The following TIAM2 variants were observed in gnomAD, a reference collection of about 807,000 sequenced individuals.
TIAM2 encodes TIAM Rac1 associated GEF 2, also known as rho guanine nucleotide exchange factor TIAM2.
A neutral mutation model predicts 152.9 loss-of-function variants in TIAM2; 80 were observed. That is an observed-to-expected ratio of 0.52 (90% CI 0.44 to 0.63). The LOEUF (loss-of-function observed/expected upper bound fraction) is 0.63, where lower values mean the gene tolerates loss of function less well. Among genes scored for constraint, TIAM2 ranks in the 30% least tolerant of loss-of-function variants. The pLI is 0.00. For missense variants in TIAM2, 1,965 were observed against 2,120.1 expected, an observed-to-expected ratio of 0.93 and a Z score of 1.44; for synonymous variants, 804 against 838.0, an observed-to-expected ratio of 0.96 and a Z score of 0.70.
intron 15 of TIAM2, among the ~76,000 whole-genome samples, chr6:155,223,123 A>G (rs6557410): frequency 0.66 from 99,858 of 152,054 alleles, 33,382 homozygotes; most frequent in African/African-American, 0.74. Flanking sequence ...CATACGTTAG[A>G]AATTGCAGAC....
chr6:155,212,988 T>C (rs1240355556), intron 15 of TIAM2, among the ~76,000 whole-genome samples: 4 of 152,160 alleles, frequency 2.6e-5, no homozygotes, highest in African/African-American at 9.7e-5. Context: ...AGCTTGGAGA[T>C]GCCAGGAACC....
intron 7 of TIAM2, among the ~76,000 whole-genome samples, 200 bp from the exon 8 acceptor site, chr6:155,164,215 T>G (rs1295102710): frequency 6.8e-6 from 1 of 147,882 alleles, no homozygotes; most frequent in African/African-American, 2.5e-5. Context: ...CCTTCAGTGA[T>G]CTGCCTGCCT....
chr6:155,114,024 A>ATT (rs1778929979), intron 2 of TIAM2, among the ~76,000 whole-genome samples: 1 of 40,560 alleles, frequency 2.5e-5, no homozygotes, highest in African/African-American at 1.0e-4. Flanking sequence ...TTATATATAT[A>ATT]TATATATATA....
intron 1 of TIAM2, among the ~76,000 whole-genome samples, chr6:155,057,554 T>C (rs1407553287): frequency 7.0e-6 from 1 of 143,258 alleles, no homozygotes; most frequent in Non-Finnish European, 1.5e-5. Context: ...TTTTTTTTTT[T>C]TTTTTTTTTT....
At chr6:155,206,999 G>C (rs1471706862) in intron 14 of TIAM2, among the ~76,000 whole-genome samples, 1 of 152,182 alleles carries the variant, frequency 6.6e-6, no homozygotes, top group Non-Finnish European at 1.5e-5. Context: ...CTCTGATAAG[G>C]ACAAAGAACC....
At chr6:155,136,850 T>C (rs1779567133) in intron 4 of TIAM2, among the ~76,000 whole-genome samples, 1 of 152,182 alleles carries the variant, frequency 6.6e-6, no homozygotes. Context: ...AAGAAAGAAA[T>C]ATCATTCTAG....
intron 15 of TIAM2, among the ~76,000 whole-genome samples, chr6:155,230,543 T>TTATGCCGGTC (rs112309051): frequency 3.3e-5 from 5 of 151,964 alleles, no homozygotes; most frequent in Non-Finnish European, 5.9e-5. Flanking sequence ...CAAGGAGTGA[T>TTATGCCGGTC]TTGTTCATCA....
chr6:155,089,233 G>A (rs1178640738), intron 1 of TIAM2, among the ~76,000 whole-genome samples: 1 of 150,334 alleles, frequency 6.7e-6, no homozygotes, highest in Non-Finnish European at 1.5e-5. Flanking sequence ...GGGTGGGGGT[G>A]TGGGGGGATG....
chr6:155,195,994 G>T (rs1781338028), intron 14 of TIAM2, among the ~76,000 whole-genome samples: 1 of 152,234 alleles, frequency 6.6e-6, no homozygotes, highest in Non-Finnish European at 1.5e-5. Flanking sequence ...AGAAGCCGTT[G>T]CAGAGAAGGA....
chr6:155,256,475 TCAC>T lies in TIAM2; in HGVS notation c.4469-8_4469-6del. ...TGTATCACAGCGAAATGTGTTTTTC[TCAC>T]TGTAGCTTCATCCAGGTCTTTAAAA... On this transcript the variant is annotated splice_polypyrimidine_tract_variant and splice_region_variant and intron_variant, in intron 26 of 26. Coordinates refer to ENST00000682666, the MANE Select transcript of TIAM2 (RefSeq NM_012454.4). The T allele has an allele frequency of 1.2e-6, 2 of 1,614,138 alleles. No individual in the cohort carries two copies. The highest frequency in any genetic ancestry group is 2.2e-5 in the South Asian group (2 of 91,042).
chr6:155,212,801 G>A (rs1338253047), intron 15 of TIAM2, among the ~76,000 whole-genome samples: 1 of 152,172 alleles, frequency 6.6e-6, no homozygotes, highest in East Asian at 1.9e-4. Flanking sequence ...GAGCGCAGTG[G>A]TGAAGGGTGT....
At position 155,127,610 on chromosome 6, in the gene TIAM2, A is replaced by G. The variant is rs1244643994; in HGVS notation, c.-7+10A>G. On this transcript the variant is annotated intron_variant, in intron 3 of 26. Coordinates refer to ENST00000682666, the MANE Select transcript of TIAM2 (RefSeq NM_012454.4). Reference sequence around the variant, plus strand: ...AGAAACTAGACGTCAGGTAAACCCAACCCTTGTGCCTGGGGGTCACGTCAA... The same window carrying G: ...AGAAACTAGACGTCAGGTAAACCCAGCCCTTGTGCCTGGGGGTCACGTCAA... 2.2e-6 allele frequency: 1 copy of G among 455,828 alleles called. No homozygotes were observed. The highest frequency in any genetic ancestry group is 2.0e-5 in the African/African-American group (1 of 50,004). The allele number at this position is 455,828 out of a possible 1,614,324, so 28.2% of individuals were successfully genotyped here. A position where few individuals can be genotyped will look rare whatever the true frequency, so the allele number is the denominator to read the frequency against.
chr6:155,143,293 T>C (rs1037458875), intron 5 of TIAM2, among the ~76,000 whole-genome samples: 10 of 152,326 alleles, frequency 6.6e-5, no homozygotes, highest in Admixed American at 2.6e-4. Context: ...CTAATAATTA[T>C]AATGCAATTT....
chr6:155,129,182 G>A lies in TIAM2; in HGVS notation c.-6-36G>A, dbSNP rs1192135345. On this transcript the variant is annotated intron_variant, in intron 3 of 26. Transcript: ENST00000682666. This position sits in a 1 kb window ranked among gnomAD's most constrained non-coding sequence, Gnocchi z 4.8. ...TCTGTCATAATGGAATGTAATTTAG[G>A]CCACGGTCTTACTGATGCAACTGTT... The A allele has an allele frequency of 6.3e-7, 1 of 1,576,630 alleles. No individual in the cohort carries two copies. The highest frequency in any genetic ancestry group is 1.7e-5 in the Admixed American group (1 of 58,498).
intron 9 of TIAM2, among the ~76,000 whole-genome samples, chr6:155,168,262 A>T (rs982720166): frequency 1.3e-5 from 2 of 152,194 alleles, no homozygotes; most frequent in Non-Finnish European, 2.9e-5. Flanking sequence ...GTGCACATTA[A>T]AAAAAGTAGG....
intron 14 of TIAM2, among the ~76,000 whole-genome samples, chr6:155,209,359 T>C (rs1173464042): frequency 6.6e-6 from 1 of 152,216 alleles, no homozygotes; most frequent in Non-Finnish European, 1.5e-5. Flanking sequence ...GATTGAGGGC[T>C]GCTGTTCTTT....
intron 15 of TIAM2, chr6:155,217,041 C>T: frequency 1.6e-6 from 2 of 1,288,980 alleles, no homozygotes; most frequent in Non-Finnish European, 2.0e-6. Context: ...GTGATCCGTT[C>T]TCCCAGAGGG....
chr6:155,114,036 ATTTTTTTTTTTTTCTT>A (rs1327434917), intron 2 of TIAM2, among the ~76,000 whole-genome samples: 5 of 34,902 alleles, frequency 1.4e-4, no homozygotes, highest in South Asian at 1.4e-3. Flanking sequence ...ATATATATAT[ATTTTTTTTTTTTTCTT>A]TTTTTTTTTT....
At chr6:155,194,043 T>C (rs1781274247) in intron 14 of TIAM2, among the ~76,000 whole-genome samples, 1 of 152,156 alleles carries the variant, frequency 6.6e-6, no homozygotes, top group Non-Finnish European at 1.5e-5. Flanking sequence ...TTCCGATACA[T>C]ATGGAGCAGC....
Sources: gnomAD v4.1 joint callset for allele counts (sites outside exome capture counted in the v4.1 genomes callset) on GRCh38, gnomAD v4.1.1 for gene constraint, Gnocchi (gnomAD v3.1) non-coding constraint, MANE v1.5 for transcripts, NCBI Gene and HGNC (gene_info 2026-07-23, HGNC 2026-07-21) for gene names.